Variants in FABP5 observed in about 807,000 individuals in gnomAD.
The protein encoded by FABP5 is fatty acid binding protein 5.
Under a neutral mutation model 16.9 loss-of-function variants are expected in FABP5, and 7 were observed. That is an observed-to-expected ratio of 0.41 (90% confidence interval 0.24 to 0.78). The LOEUF is 0.78. FABP5 is among the 30% of genes least tolerant of loss of function. The probability of loss-of-function intolerance (pLI) is 0.30; values close to 1 mark genes in which losing one functional copy is unlikely to be tolerated. For synonymous variants in FABP5, 37 were observed against 52.8 expected, an observed-to-expected ratio of 0.70 and a Z score of 1.30; for missense variants, 119 against 159.5, an observed-to-expected ratio of 0.75 and a Z score of 1.37.
At position 81,281,047 on chromosome 8, in the gene FABP5, C is replaced by A. The variant is rs118019635; in HGVS notation, c.79+373C>A. The A allele has an allele frequency of 0.05, 10,391 of 207,964 alleles. 435 individuals are homozygous for A. Among genetic ancestry groups the A allele is most frequent in the Non-Finnish European group, 0.067 (6,954 of 103,130 alleles). 12.9% of individuals were successfully genotyped at this position (207,964 alleles called of 1,614,324 possible). On this transcript the variant is annotated intron_variant, in intron 1 of 3. Coordinates refer to ENST00000297258, the MANE Select transcript of FABP5 (RefSeq NM_001444.3). The surrounding 1 kb of genome is among the most constrained non-coding windows in gnomAD (Gnocchi z 4.5). ...TGCACTTCTTTCGACCCCCTCCAGG[C>A]GACCCTGTATTTCCCTTTTTTCCCC...
At chr8:81,280,788 C>A in intron 1 of FABP5, 114 bp downstream of exon 1, 1 of 893,712 alleles carries the variant, frequency 1.1e-6, no homozygotes. Flanking sequence ...CGGCCTACCC[C>A]CATCCCCTCC....
intron 1 of FABP5, 118 bp downstream of exon 1, chr8:81,280,792 C>G: frequency 1.1e-6 from 1 of 892,646 alleles, no homozygotes; most frequent in Non-Finnish European, 1.8e-6. Context: ...CTACCCCCAT[C>G]CCCTCCCATC....
Position 81,282,162 on chromosome 8 carries a change from A to G in FABP5, c.80-1204A>G, listed in dbSNP as rs1239916901. On this transcript the variant is annotated intron_variant, in intron 1 of 3. Transcript: ENST00000297258. ...GCGATTTACTGCACCTGTCCAATAA[A>G]TAACAGTGTGTGTGTGTGTGTGTGT... 4.4e-5 allele frequency among the ~76,000 whole-genome samples: 5 copies of G among 113,108 alleles called. No individual in the cohort carries two copies. The East Asian group carries it at 1.3e-3, about 31-fold the overall frequency. The allele number at this position is 113,108 out of a possible 152,430, so 74.2% of individuals were successfully genotyped here. A position where few individuals can be genotyped will look rare whatever the true frequency, so the allele number is the denominator to read the frequency against.
At chr8:81,280,788 C>T in intron 1 of FABP5, 114 bp downstream of exon 1, 1 of 893,716 alleles carries the variant, frequency 1.1e-6, no homozygotes. Context: ...CGGCCTACCC[C>T]CATCCCCTCC....
At chr8:81,282,707 T>C (rs745960799) in intron 1 of FABP5, among the ~76,000 whole-genome samples, 1 of 152,064 alleles carries the variant, frequency 6.6e-6, no homozygotes, top group Non-Finnish European at 1.5e-5. Context: ...AAAGGTAGGA[T>C]TTTTTTTCCC....
rs372989580 is a variant in FABP5 at position 81,283,395 on chromosome 8, G to A, written c.109G>A (p.Ala37Thr). 12 of 1,596,668 alleles carry A rather than the reference G, an allele frequency of 7.5e-6. No homozygotes were observed. The highest frequency in any genetic ancestry group is 4.6e-5 in the South Asian group (4 of 87,296). ...GVGIALRKMG[A>T]MAKPDCIITC... ...GGGAATAGCTTTGCGAAAAATGGGC[G>A]CAATGGCCAAGCCAGATTGTATCAT... Residue 37 changes from alanine (A) to threonine (T), a missense_variant, in exon 2 of 4, where the codon GCA (alanine) becomes ACA (threonine). By Grantham distance (58) the Ala-to-Thr change is moderately conservative (BLOSUM62 0). Transcript: ENST00000297258.
In FABP5 at chr8:81,281,723, T is replaced by C. The variant is rs996611346; in HGVS notation, c.79+1049T>C. On this transcript the variant is annotated intron_variant, in intron 1 of 3. Coordinates refer to ENST00000297258, the MANE Select transcript of FABP5 (RefSeq NM_001444.3). This position sits in a 1 kb window ranked among gnomAD's most constrained non-coding sequence, Gnocchi z 4.5. ...AGTGCTTCATTATAAATTACTGTCC[T>C]TTTCTATGCCAGTGACAGATTGCAT... 15 of 961,960 alleles carry C rather than the reference T, an allele frequency of 1.6e-5. No individual in the cohort carries two copies. Among genetic ancestry groups the C allele is most frequent in the African/African-American group, 1.8e-5 (1 of 56,738 alleles). The allele number at this position is 961,960 out of a possible 1,614,324, so 59.6% of individuals were successfully genotyped here.
intron 1 of FABP5, among the ~76,000 whole-genome samples, chr8:81,282,167 A>AGTGT (rs10700115): frequency 0.48 from 71,101 of 147,506 alleles, 18,379 homozygotes; most frequent in East Asian, 0.63. Flanking sequence ...AATAAATAAC[A>AGTGT]GTGTGTGTGT....
chr8:81,284,578 A>G lies in FABP5; in HGVS notation c.*11A>G, dbSNP rs773082196. On this transcript the variant is annotated 3_prime_UTR_variant, in exon 4 of 4. Coordinates refer to ENST00000297258, the MANE Select transcript of FABP5 (RefSeq NM_001444.3). ...GAAAAAGTAGAATAAAAATTCCATC[A>G]TCACTTTGGACAGGAGTTAATTAAG... 1.3e-5 allele frequency: 19 copies of G among 1,505,496 alleles called. No homozygotes were observed. Among genetic ancestry groups the G allele is most frequent in the Non-Finnish European group, 1.7e-5 (18 of 1,089,210 alleles). 93.3% of individuals were successfully genotyped at this position (1,505,496 alleles called of 1,614,324 possible).
Position 81,281,543 on chromosome 8 carries a change from G to C in FABP5, c.79+869G>C, listed in dbSNP as rs987875570. On this transcript the variant is annotated intron_variant, in intron 1 of 3. Coordinates refer to ENST00000297258, the MANE Select transcript of FABP5 (RefSeq NM_001444.3). The surrounding 1 kb of genome is among the most constrained non-coding windows in gnomAD (Gnocchi z 4.5). ...CTTGAGGGTGAGGAGGAAGGAGGCAGTGGGCTTTGCTGGAAAACCGTAACA... is the reference window on the plus strand; with the variant it reads ...CTTGAGGGTGAGGAGGAAGGAGGCACTGGGCTTTGCTGGAAAACCGTAACA... The C allele has an allele frequency of 1.2e-5, 12 of 985,684 alleles. No individual in the cohort carries two copies. Among genetic ancestry groups the C allele is most frequent in the Middle Eastern group, 5.1e-4 (1 of 1,942 alleles). The allele number at this position is 985,684 out of a possible 1,614,324, so 61.1% of individuals were successfully genotyped here.
In FABP5 at chr8:81,281,865, A is replaced by G. The variant is rs1807837279; in HGVS notation, c.79+1191A>G. ...TCTCTGGAAGGGAGCTTCCAGCCCTAAGGGATGGCTGGGATTTATGAGGGT... is the reference window on the plus strand; with the variant it reads ...TCTCTGGAAGGGAGCTTCCAGCCCTGAGGGATGGCTGGGATTTATGAGGGT... On this transcript the variant is annotated intron_variant, in intron 1 of 3. Transcript: ENST00000297258. This position sits in a 1 kb window ranked among gnomAD's most constrained non-coding sequence, Gnocchi z 4.5. Among the ~76,000 whole-genome samples, 2 of 152,102 alleles carry G rather than the reference A, an allele frequency of 1.3e-5. No individual in the cohort carries two copies. The highest frequency in any genetic ancestry group is 2.9e-5 in the Non-Finnish European group (2 of 68,026).
In FABP5 at chr8:81,281,525, G is replaced by T. The variant is rs957802858; in HGVS notation, c.79+851G>T. 2 of 985,608 alleles carry T rather than the reference G, an allele frequency of 2.0e-6. No individual in the cohort carries two copies. The highest frequency in any genetic ancestry group is 2.4e-6 in the Non-Finnish European group (2 of 830,170). 61.1% of individuals were successfully genotyped at this position (985,608 alleles called of 1,614,324 possible). On this transcript the variant is annotated intron_variant, in intron 1 of 3. Transcript: ENST00000297258. The surrounding 1 kb of genome is among the most constrained non-coding windows in gnomAD (Gnocchi z 4.5). ...CCATCCTGGCCTCTGCCACTTGAGG[G>T]TGAGGAGGAAGGAGGCAGTGGGCTT...
chr8:81,284,132 A>G lies in FABP5; in HGVS notation c.354+158A>G, dbSNP rs78431865. 4.7e-5 allele frequency: 29 copies of G among 611,504 alleles called. No homozygotes were observed. In the East Asian group the frequency reaches 7.7e-4, roughly 16 times the overall value. The allele number at this position is 611,504 out of a possible 1,614,324, so 37.9% of individuals were successfully genotyped here. A position where few individuals can be genotyped will look rare whatever the true frequency, so the allele number is the denominator to read the frequency against. ...GAACACTAATTATTAAGAAAGTCCT[A>G]GTGGAGATAGAGAAGTGACATGACA... is the stretch of plus-strand genomic sequence containing the variant. On this transcript the variant is annotated intron_variant, in intron 3 of 3. Coordinates refer to ENST00000297258, the MANE Select transcript of FABP5 (RefSeq NM_001444.3).
intron 2 of FABP5, 34 bp from the exon 3 acceptor site, chr8:81,283,839 T>C (rs1320457080): frequency 1.9e-6 from 3 of 1,549,584 alleles, no homozygotes; most frequent in Non-Finnish European, 2.7e-6. Context: ...TGTAATGTAC[T>C]TGGAAGATTA....
chr8:81,281,601 T>G lies in FABP5; in HGVS notation c.79+927T>G, dbSNP rs1039887123. 2.2e-5 allele frequency: 22 copies of G among 985,320 alleles called. No homozygotes were observed. The highest frequency in any genetic ancestry group is 2.7e-5 in the Non-Finnish European group (22 of 829,928). The allele number at this position is 985,320 out of a possible 1,614,324, so 61.0% of individuals were successfully genotyped here. On this transcript the variant is annotated intron_variant, in intron 1 of 3. Coordinates refer to ENST00000297258, the MANE Select transcript of FABP5 (RefSeq NM_001444.3). This position sits in a 1 kb window ranked among gnomAD's most constrained non-coding sequence, Gnocchi z 4.5. ...CCTGGCCCTCCTGCGGCTAACTGCA[T>G]GCAAGATGGGTGTGGCCCTGCAGAA...
chr8:81,283,689 G>C, intron 2 of FABP5, 151 bp downstream of exon 2: 11 of 1,039,630 alleles, frequency 1.1e-5, no homozygotes, highest in Non-Finnish European at 1.5e-5. Flanking sequence ...CTTCATCATA[G>C]AATTGGCATC....
Position 81,281,379 on chromosome 8 carries a change from C to A in FABP5, c.79+705C>A, listed in dbSNP as rs773184252. The A allele has an allele frequency of 2.0e-6, 2 of 985,560 alleles. No homozygotes were observed. The highest frequency in any genetic ancestry group is 3.5e-5 in the African/African-American group (2 of 57,234). 61.1% of individuals were successfully genotyped at this position (985,560 alleles called of 1,614,324 possible). ...ATTGGTACCCCATGGAACACCAGGGCCCCCGAGAAGCGTGGCGCTGGCGGT... is the reference window on the plus strand; with the variant it reads ...ATTGGTACCCCATGGAACACCAGGGACCCCGAGAAGCGTGGCGCTGGCGGT... On this transcript the variant is annotated intron_variant, in intron 1 of 3. Transcript: ENST00000297258. The surrounding 1 kb of genome is among the most constrained non-coding windows in gnomAD (Gnocchi z 4.5).
chr8:81,284,278 C>T (rs1396444294), intron 3 of FABP5: 1 of 524,484 alleles, frequency 1.9e-6, no homozygotes, highest in Non-Finnish European at 3.4e-6. Context: ...GGAATATTTG[C>T]CATAACCAAA....
chr8:81,284,158 TAGG>T, intron 3 of FABP5, 184 bp downstream of exon 3: 3 of 575,346 alleles, frequency 5.2e-6, no homozygotes, highest in Non-Finnish European at 9.1e-6. Context: ...TGACATGACA[TAGG>T]AGAGGATTTG....
Sources: gnomAD v4.1 joint callset for allele counts (sites outside exome capture counted in the v4.1 genomes callset) on GRCh38, gnomAD v4.1.1 for gene constraint, Gnocchi (gnomAD v3.1) non-coding constraint, MANE v1.5 for transcripts, NCBI Gene and HGNC (gene_info 2026-07-23, HGNC 2026-07-21) for gene names.